ANKRD12: variants seen among roughly 807,000 people sequenced by gnomAD.
ANKRD12 encodes ankyrin repeat domain-containing protein 12.
Under a neutral mutation model 183.4 loss-of-function variants are expected in ANKRD12, and 85 were observed. That is an observed-to-expected ratio of 0.46 (90% confidence interval 0.39 to 0.56). ANKRD12 has a LOEUF of 0.56. ANKRD12 is among the 20% of genes least tolerant of loss of function. ANKRD12 has a pLI of 0.00. For synonymous variants in ANKRD12, 914 were observed against 800.2 expected (o/e 1.14, Z -2.40); for missense variants, 2,405 against 2,357.1 (o/e 1.02, Z -0.42).
chr18:9,188,838 C>T (rs1421745722), intron 2 of ANKRD12, among the ~76,000 whole-genome samples: 1 of 152,234 alleles, frequency 6.6e-6, no homozygotes, highest in African/African-American at 2.4e-5. Flanking sequence ...ATGTGTTCTA[C>T]TGCTCCACTT....
intron 8 of ANKRD12, among the ~76,000 whole-genome samples, chr18:9,224,838 G>A (rs913939869): frequency 6.6e-6 from 1 of 152,154 alleles, no homozygotes; most frequent in African/African-American, 2.4e-5. Flanking sequence ...TGTAGCCATT[G>A]TGTTTGTACA....
At chr18:9,263,541 GA>G (rs1273183396) in intron 9 of ANKRD12, among the ~76,000 whole-genome samples, 1 of 152,102 alleles carries the variant, frequency 6.6e-6, no homozygotes, top group Non-Finnish European at 1.5e-5. Context: ...TGTCTCGCTG[GA>G]ATAACTTCCA....
At chr18:9,189,057 G>T (rs949562481) in intron 2 of ANKRD12, among the ~76,000 whole-genome samples, 1 of 152,088 alleles carries the variant, frequency 6.6e-6, no homozygotes, top group African/African-American at 2.4e-5. Flanking sequence ...TCTTGTGCCA[G>T]TTAACCAAGA....
At chr18:9,153,002 T>A (rs1362909027) in intron 1 of ANKRD12, among the ~76,000 whole-genome samples, 1 of 152,184 alleles carries the variant, frequency 6.6e-6, no homozygotes, top group Non-Finnish European at 1.5e-5. Context: ...ATTTCTTTTT[T>A]AAAAAATTTT....
intron 8 of ANKRD12, among the ~76,000 whole-genome samples, chr18:9,246,148 T>TA (rs1241005735): frequency 6.6e-5 from 10 of 151,930 alleles, no homozygotes; most frequent in Non-Finnish European, 1.3e-4. Context: ...AAAAGTTCTC[T>TA]ACTTAGCTAT....
chr18:9,179,576 C>T (rs770505391), intron 1 of ANKRD12, among the ~76,000 whole-genome samples: 4 of 152,214 alleles, frequency 2.6e-5, no homozygotes, highest in South Asian at 2.1e-4. Context: ...AGTGCAGTGG[C>T]GTGATCATGG....
At chr18:9,150,141 A>G (rs2078637674) in intron 1 of ANKRD12, among the ~76,000 whole-genome samples, 1 of 152,134 alleles carries the variant, frequency 6.6e-6, no homozygotes, top group Admixed American at 6.5e-5. Flanking sequence ...TGTCAGGCTC[A>G]GTTTCCCGAA....
At chr18:9,175,597 G>A (rs552342883) in intron 1 of ANKRD12, among the ~76,000 whole-genome samples, 6 of 123,714 alleles carry the variant, frequency 4.8e-5, no homozygotes, top group Non-Finnish European at 1.6e-5. Flanking sequence ...GCACTATCTC[G>A]GCTCACTGCA....
intron 1 of ANKRD12, chr18:9,137,707 C>T (rs1018097795): frequency 5.3e-5 from 8 of 152,318 alleles, no homozygotes; most frequent in African/African-American, 1.4e-4. Flanking sequence ...GTAAAATAAC[C>T]TTGCCGCATT....
Position 9,255,070 on chromosome 18 carries a change from G to A in ANKRD12, c.1803G>A (p.Lys601=). Residue 601 remains lysine (K), a synonymous_variant, in exon 9 of 13, where the codon AAG becomes AAA. Transcript: ENST00000262126. ...AAAGTTCAAGTGTAAAATCTTGTAA[G>A]CATAAGGAAAAAAGCAAACATCAGA... is the stretch of plus-strand genomic sequence containing the variant. The part of the protein sequence containing the change: ...LPESSSVKSC[K]HKEKSKHQKD... 6.3e-7 allele frequency: 1 copy of A among 1,581,174 alleles called. No individual in the cohort carries two copies. Among genetic ancestry groups the A allele is most frequent in the Admixed American group, 2.0e-5 (1 of 50,942 alleles).
At chr18:9,182,683 T>C (rs1046620584) in intron 2 of ANKRD12, among the ~76,000 whole-genome samples, 164 bp downstream of exon 2, 1 of 152,186 alleles carries the variant, frequency 6.6e-6, no homozygotes, top group Non-Finnish European at 1.5e-5. Context: ...GGGAAGTGAT[T>C]GTTTATCATT....
At chr18:9,154,664 T>G (rs1431170552) in intron 1 of ANKRD12, among the ~76,000 whole-genome samples, 1 of 152,094 alleles carries the variant, frequency 6.6e-6, no homozygotes, top group East Asian at 1.9e-4. Context: ...TTGGGAAGTG[T>G]TTGCAATAGT....
intron 2 of ANKRD12, 147 bp downstream of exon 2, chr18:9,182,666 A>C (rs1176788030): frequency 2.2e-6 from 1 of 448,814 alleles, no homozygotes; most frequent in Non-Finnish European, 3.9e-6. Context: ...AATAAATTGG[A>C]TTCCTGGGGA....
chr18:9,256,542 A>G lies in ANKRD12; in HGVS notation c.3275A>G (p.Glu1092Gly). Residue 1092 changes from glutamate (E) to glycine (G), a missense_variant, in exon 9 of 13, where the codon GAA becomes GGA. Coordinates refer to ENST00000262126, the MANE Select transcript of ANKRD12 (RefSeq NM_015208.5). ...CTAAGCCTTAAAGACCTAGAAATAG[A>G]ACAGTGGCACAAAAAACATAAGGAA... is the stretch of plus-strand genomic sequence containing the variant. ...RMLSLKDLEI[E>G]QWHKKHKEKI... 6.2e-7 allele frequency: 1 copy of G among 1,600,510 alleles called. No homozygotes were observed. Among genetic ancestry groups the G allele is most frequent in the Non-Finnish European group, 8.5e-7 (1 of 1,176,802 alleles).
chr18:9,201,620 GTTCT>G (rs1165300242), intron 3 of ANKRD12, among the ~76,000 whole-genome samples: 1 of 152,112 alleles, frequency 6.6e-6, no homozygotes, highest in Non-Finnish European at 1.5e-5. Context: ...GTATATGAAT[GTTCT>G]TTAAGTTCAA....
chr18:9,213,032 C>G (rs188191680), intron 6 of ANKRD12, among the ~76,000 whole-genome samples: 24 of 151,996 alleles, frequency 1.6e-4, no homozygotes, highest in African/African-American at 5.5e-4. Flanking sequence ...AATACACTCT[C>G]ATTACAGTGT....
At chr18:9,173,740 A>G (rs2032985019) in intron 1 of ANKRD12, among the ~76,000 whole-genome samples, 1 of 152,180 alleles carries the variant, frequency 6.6e-6, no homozygotes, top group Admixed American at 6.5e-5. Context: ...GGACCTGCTT[A>G]AAGATGCAGT....
intron 9 of ANKRD12, among the ~76,000 whole-genome samples, chr18:9,262,786 CCTTTTTT>C (rs2039051655): frequency 1.1e-5 from 1 of 87,932 alleles, no homozygotes; most frequent in East Asian, 3.7e-4. Flanking sequence ...CCAAGATGTC[CCTTTTTT>C]TTTTTTTTTT....
rs771142199 is a variant in ANKRD12 at position 9,257,797 on chromosome 18, T to G, written c.4530T>G (p.Ser1510=). Residue 1510 remains serine (S), a synonymous_variant, in exon 9 of 13, where the codon TCT becomes TCG. Transcript: ENST00000262126. The part of the protein sequence containing the change: ...SDAESISKHM[S]LSYVANQEPG... ...CTGAATCGATTTCTAAACATATGTC[T>G]TTGTCATATGTTGCTAATCAAGAGC... 10 of 1,613,916 alleles carry G rather than the reference T, an allele frequency of 6.2e-6. No homozygotes were observed. Among genetic ancestry groups the G allele is most frequent in the Non-Finnish European group, 8.5e-6 (10 of 1,179,938 alleles).
Sources: allele counts gnomAD v4.1 joint callset (sites outside exome capture counted in the v4.1 genomes callset), GRCh38; gene constraint gnomAD v4.1.1; transcripts MANE v1.5; gene names NCBI Gene and HGNC (gene_info 2026-07-23, HGNC 2026-07-21).